Variants in MYO18B observed in about 807,000 individuals in gnomAD.
MYO18B encodes the protein myosin XVIIIB.
MYO18B carries 204 observed loss-of-function variants against 273.0 expected under a neutral mutation model. That is an observed-to-expected ratio of 0.75 (90% CI 0.67 to 0.84). MYO18B has a LOEUF of 0.84. Among genes scored for constraint, MYO18B ranks in the 40% least tolerant of loss-of-function variants. The probability of loss-of-function intolerance (pLI) is 0.00; values close to 1 mark genes in which losing one functional copy is unlikely to be tolerated. For synonymous variants in MYO18B, 1,330 were observed against 1,305.7 expected, an observed-to-expected ratio of 1.02 and a Z score of -0.40; for missense variants, 3,212 against 3,287.6, an observed-to-expected ratio of 0.98 and a Z score of 0.56.
At chr22:25,914,016 G>A (rs1488042318) in intron 33 of MYO18B, among the ~76,000 whole-genome samples, 6 of 152,148 alleles carry the variant, frequency 3.9e-5, no homozygotes, top group African/African-American at 9.7e-5. Context: ...TTATTGGGGT[G>A]CATAGTGTGA....
At chr22:26,033,865 C>T (rs1157976100), downstream of MYO18B, among the ~76,000 whole-genome samples, 1 of 145,166 alleles carries the variant, frequency 6.9e-6, no homozygotes, top group African/African-American at 2.6e-5. Context: ...CTCTTCCTCC[C>T]TTCCTTCTTT....
At position 25,777,592 on chromosome 22, in the gene MYO18B, G is replaced by A. The variant is rs2086964238; in HGVS notation, c.1879G>A (p.Gly627Ser). 6.3e-7 allele frequency: 1 copy of A among 1,590,616 alleles called. No individual in the cohort carries two copies. ...SVPSAGKVPKGRRDGLPAHIG... is the reference protein window; with the variant it reads ...SVPSAGKVPKSRRDGLPAHIG... ...TGTGATCTTCCTGCAGGTGCCCAAG[G>A]GCCGCCGGGATGGCCTGCCTGCCCA... Residue 627 changes from glycine (G) to serine (S), a missense_variant, in exon 8 of 44, where the codon GGC (glycine) becomes AGC (serine). Coordinates refer to ENST00000335473, the MANE Select transcript of MYO18B (RefSeq NM_032608.7).
chr22:25,984,559 G>C (rs1022930373), intron 39 of MYO18B, among the ~76,000 whole-genome samples: 1 of 152,124 alleles, frequency 6.6e-6, no homozygotes. Context: ...AGAAGCCAAG[G>C]AGGGAGGACC....
chr22:25,946,105 TTCTTC>T (rs760297890), intron 34 of MYO18B, 27 bp from the exon 35 acceptor site: 66 of 1,203,742 alleles, frequency 5.5e-5, no homozygotes, highest in Middle Eastern at 2.1e-4. Context: ...TCATTTTCTT[TTCTTC>T]TCTTCTCCAC....
intron 1 of MYO18B, among the ~76,000 whole-genome samples, chr22:25,760,429 A>T (rs1392665022): frequency 2.0e-5 from 3 of 149,902 alleles, no homozygotes; most frequent in Non-Finnish European, 4.4e-5. Flanking sequence ...AAAAAAAAAA[A>T]AAAAACACAA....
intron 39 of MYO18B, among the ~76,000 whole-genome samples, chr22:25,970,352 A>G (rs1430637383): frequency 6.6e-6 from 1 of 152,162 alleles, no homozygotes; most frequent in African/African-American, 2.4e-5. Context: ...ATTATTTCCT[A>G]TTTGAAAATT....
chr22:25,996,731 G>C (rs1450250725), intron 40 of MYO18B, among the ~76,000 whole-genome samples: 1 of 152,126 alleles, frequency 6.6e-6, no homozygotes, highest in South Asian at 2.1e-4. Context: ...ATTAAGACCC[G>C]AATGAAATGA....
chr22:26,027,925 G>A lies in MYO18B; in HGVS notation c.*12+235G>A, dbSNP rs1274670742. On this transcript the variant is annotated intron_variant, in intron 43 of 43. Coordinates refer to ENST00000335473, the MANE Select transcript of MYO18B (RefSeq NM_032608.7). This position sits in a 1 kb window ranked among gnomAD's most constrained non-coding sequence, Gnocchi z 4.1. ...ATGCAGACACATCAGAAAGTAAGAGGTTCCTGTGGGATACCGCTAAAGAAG... is the reference window on the plus strand; with the variant it reads ...ATGCAGACACATCAGAAAGTAAGAGATTCCTGTGGGATACCGCTAAAGAAG... Among the ~76,000 whole-genome samples, 2 of 152,176 alleles carry A rather than the reference G, an allele frequency of 1.3e-5. No individual in the cohort carries two copies. The highest frequency in any genetic ancestry group is 6.5e-5 in the Admixed American group (1 of 15,272).
At chr22:25,881,647 G>A (rs1354583660) in intron 25 of MYO18B, among the ~76,000 whole-genome samples, 1 of 152,180 alleles carries the variant, frequency 6.6e-6, no homozygotes, top group Non-Finnish European at 1.5e-5. Context: ...AACATCTTCA[G>A]CATCCAGAGC....
chr22:25,794,297 C>T (rs1012933116), intron 11 of MYO18B, among the ~76,000 whole-genome samples: 6 of 151,714 alleles, frequency 4.0e-5, no homozygotes, highest in Admixed American at 1.3e-4. Flanking sequence ...ACCTTGATTT[C>T]GTAGGCTCAA....
chr22:25,838,313 C>T (rs1198135060), intron 17 of MYO18B, among the ~76,000 whole-genome samples: 1 of 152,126 alleles, frequency 6.6e-6, no homozygotes, highest in East Asian at 1.9e-4. Context: ...ATTCTCCTGC[C>T]TCAGCTTCCC....
intron 39 of MYO18B, among the ~76,000 whole-genome samples, chr22:25,975,245 A>C (rs7284984): frequency 0.16 from 24,701 of 152,160 alleles, 2,730 homozygotes; most frequent in African/African-American, 0.32. Context: ...TTCTTTCCTG[A>C]TGAGTCAATA....
At chr22:25,860,607 A>G (rs898138875) in intron 21 of MYO18B, among the ~76,000 whole-genome samples, 5 of 152,144 alleles carry the variant, frequency 3.3e-5, no homozygotes, top group Admixed American at 6.6e-5. Context: ...TAAGAAGTGT[A>G]TTAATTTCTA....
chr22:26,039,826 A>G, the MYO18B span, among the ~76,000 whole-genome samples: 2 of 151,570 alleles, frequency 1.3e-5, no homozygotes, highest in African/African-American at 4.8e-5. Context: ...CAAAGTCCAT[A>G]TATCACTCTT....
At chr22:25,812,277 C>A (rs2088798317) in intron 12 of MYO18B, among the ~76,000 whole-genome samples, 1 of 152,190 alleles carries the variant, frequency 6.6e-6, no homozygotes, top group Non-Finnish European at 1.5e-5. Context: ...AAGAGCCCGA[C>A]CAGGTGCCCA....
chr22:26,032,517 G>GT (rs869157490), downstream of MYO18B, among the ~76,000 whole-genome samples: 11,073 of 117,586 alleles, frequency 0.094, 756 homozygotes, highest in African/African-American at 0.15. Flanking sequence ...TAATCACCCT[G>GT]TTTTTTTTTT....
chr22:25,869,814 C>T (rs1177801961), intron 22 of MYO18B, among the ~76,000 whole-genome samples: 1 of 152,202 alleles, frequency 6.6e-6, no homozygotes, highest in African/African-American at 2.4e-5. Flanking sequence ...CTAGTGTCTC[C>T]CCACTGGCCT....
At chr22:26,033,664 C>G (rs2147048021), downstream of MYO18B, among the ~76,000 whole-genome samples, 1 of 152,270 alleles carries the variant, frequency 6.6e-6, no homozygotes. Context: ...TCCCCCAACC[C>G]AACACAGCCT....
the MYO18B span, among the ~76,000 whole-genome samples, chr22:26,040,289 T>C: frequency 6.6e-6 from 1 of 152,200 alleles, no homozygotes; most frequent in Non-Finnish European, 1.5e-5. Flanking sequence ...TGCAGCTCTC[T>C]ATTTACTTGG....
Sources: allele counts gnomAD v4.1 joint callset (sites outside exome capture counted in the v4.1 genomes callset), GRCh38; gene constraint gnomAD v4.1.1; non-coding constraint Gnocchi (gnomAD v3.1); transcripts MANE v1.5; gene names NCBI Gene and HGNC (gene_info 2026-07-23, HGNC 2026-07-21).